GRM7: variants seen among roughly 807,000 people sequenced by gnomAD.
GRM7 encodes metabotropic glutamate receptor 7.
GRM7 carries 35 observed loss-of-function variants against 84.5 expected under a neutral mutation model. The observed-to-expected ratio is 0.41, with a 90% CI of 0.32 to 0.55. GRM7 has a LOEUF of 0.55. Among genes scored for constraint, GRM7 ranks in the 20% least tolerant of loss-of-function variants. GRM7 has a pLI of 0.19. For missense variants in GRM7, 1,003 were observed against 1,194.6 expected (o/e 0.84, Z 2.36); for synonymous variants, 487 against 455.1 (o/e 1.07, Z -0.89).
intron 4 of GRM7, among the ~76,000 whole-genome samples, chr3:7,323,778 A>G (rs1700877299): frequency 1.3e-5 from 2 of 152,212 alleles, no homozygotes; most frequent in African/African-American, 4.8e-5. Flanking sequence ...AATGATTACA[A>G]CAATGACAGT....
rs145619269 is a variant in GRM7 at position 7,030,861 on chromosome 3, T to G, written c.520-115591T>G. Among the ~76,000 whole-genome samples, 49 of 152,326 alleles carry G rather than the reference T, an allele frequency of 3.2e-4. No individual in the cohort carries two copies. The East Asian group carries it at 9.1e-3, about 28-fold the overall frequency. Reference sequence around the variant, plus strand: ...CATAAAATTGTCTAACATCTATTATTTAAAAGCAAATGATTCAGAATTAAG... The same window carrying G: ...CATAAAATTGTCTAACATCTATTATGTAAAAGCAAATGATTCAGAATTAAG... On this transcript the variant is annotated intron_variant, in intron 1 of 9. Transcript: ENST00000357716.
intron 7 of GRM7, among the ~76,000 whole-genome samples, chr3:7,517,511 G>A (rs1423509370): frequency 1.3e-5 from 2 of 151,994 alleles, no homozygotes; most frequent in African/African-American, 4.8e-5. Context: ...CCATGCCTCC[G>A]CCTCTCGAGT....
At chr3:7,704,776 A>G (rs1268172679) in intron 9 of GRM7, among the ~76,000 whole-genome samples, 1 of 152,086 alleles carries the variant, frequency 6.6e-6, no homozygotes, top group Non-Finnish European at 1.5e-5. Flanking sequence ...GATGTCCCCA[A>G]ATGCCTGGCT....
At chr3:7,562,052 T>A (rs1290696074) in intron 7 of GRM7, among the ~76,000 whole-genome samples, 1 of 152,146 alleles carries the variant, frequency 6.6e-6, no homozygotes, top group Non-Finnish European at 1.5e-5. Flanking sequence ...CCTCAGGTTA[T>A]CTGTTAAAGA....
At chr3:7,344,955 A>C (rs1432673958) in intron 4 of GRM7, among the ~76,000 whole-genome samples, 1 of 152,190 alleles carries the variant, frequency 6.6e-6, no homozygotes, top group Non-Finnish European at 1.5e-5. Flanking sequence ...TAAATGTTTG[A>C]GGTGATAGAT....
chr3:7,584,333 T>C (rs1482517470), intron 8 of GRM7, among the ~76,000 whole-genome samples: 2 of 152,206 alleles, frequency 1.3e-5, no homozygotes, highest in Non-Finnish European at 2.9e-5. Flanking sequence ...ATTTGAAATA[T>C]TGTAGCTTGT....
chr3:7,374,467 T>C (rs1195171450), intron 4 of GRM7, among the ~76,000 whole-genome samples: 1 of 151,560 alleles, frequency 6.6e-6, no homozygotes, highest in Non-Finnish European at 1.5e-5. Flanking sequence ...ATGTGAGCTA[T>C]TTATTATCAT....
chr3:7,692,092 C>T (rs1445693583), intron 9 of GRM7, among the ~76,000 whole-genome samples: 1 of 152,100 alleles, frequency 6.6e-6, no homozygotes, highest in Non-Finnish European at 1.5e-5. Flanking sequence ...TCTCTAGGTA[C>T]AACAATCTCT....
intron 2 of GRM7, among the ~76,000 whole-genome samples, chr3:7,182,896 G>GT (rs5846493): frequency 0.084 from 9,343 of 110,618 alleles, 536 homozygotes; most frequent in East Asian, 0.2. Flanking sequence ...ACGTGAAAGT[G>GT]TTTTTTTTTT....
At chr3:7,339,139 C>T (rs59990295) in intron 4 of GRM7, among the ~76,000 whole-genome samples, 5,939 of 152,122 alleles carry the variant, frequency 0.039, 243 homozygotes, top group African/African-American at 0.11. Context: ...TATGATTACA[C>T]ACTTGGAATC....
intron 1 of GRM7, among the ~76,000 whole-genome samples, chr3:6,913,097 T>C (rs1286814427): frequency 8.5e-5 from 13 of 152,178 alleles, no homozygotes; most frequent in Non-Finnish European, 1.8e-4. Context: ...AGCCCTCTCC[T>C]AATCATTTGA....
chr3:7,155,268 G>A (rs1694411970), intron 2 of GRM7, among the ~76,000 whole-genome samples: 1 of 152,040 alleles, frequency 6.6e-6, no homozygotes, highest in Non-Finnish European at 1.5e-5. Context: ...ATAAACAATA[G>A]GGAAGATATA....
chr3:7,422,059 C>T (rs1382556845), intron 5 of GRM7, among the ~76,000 whole-genome samples: 1 of 152,044 alleles, frequency 6.6e-6, no homozygotes, highest in African/African-American at 2.4e-5. Context: ...CATGCCACTG[C>T]ACTCTAGCCT....
intron 7 of GRM7, among the ~76,000 whole-genome samples, chr3:7,528,022 G>A (rs1010179573): frequency 2.0e-5 from 3 of 152,074 alleles, no homozygotes; most frequent in South Asian, 4.1e-4. Flanking sequence ...TTTAGTATAA[G>A]CATAATACTG....
At chr3:7,584,888 C>T (rs1367712909) in intron 8 of GRM7, among the ~76,000 whole-genome samples, 1 of 152,070 alleles carries the variant, frequency 6.6e-6, no homozygotes, top group East Asian at 1.9e-4. Flanking sequence ...ACTATTTAAT[C>T]TATTTTATCA....
chr3:7,156,123 AAGACAGAAGAGC>A (rs1247069712), intron 2 of GRM7, among the ~76,000 whole-genome samples: 3 of 152,160 alleles, frequency 2.0e-5, no homozygotes, highest in Non-Finnish European at 4.4e-5. Flanking sequence ...AGGTTGTGAG[AAGACAGAAGAGC>A]AGACAGAAGG....
At chr3:7,038,360 T>C (rs142712423) in intron 1 of GRM7, among the ~76,000 whole-genome samples, 1,798 of 152,298 alleles carry the variant, frequency 0.012, 15 homozygotes, top group South Asian at 0.019. Context: ...CTGAAAATAC[T>C]TGGTATCCTA....
intron 4 of GRM7, among the ~76,000 whole-genome samples, chr3:7,371,574 G>A (rs1438188157): frequency 5.9e-5 from 9 of 152,116 alleles, no homozygotes; most frequent in Non-Finnish European, 1.0e-4. Context: ...GGCCAATACT[G>A]AGTGCTTTCT....
intron 8 of GRM7, among the ~76,000 whole-genome samples, chr3:7,598,939 G>T (rs1696178851): frequency 6.6e-6 from 1 of 152,116 alleles, no homozygotes; most frequent in Non-Finnish European, 1.5e-5. Flanking sequence ...TAGTTAATGA[G>T]ACCAAAGGGC....
Sources: allele counts gnomAD v4.1 joint callset (sites outside exome capture counted in the v4.1 genomes callset), GRCh38; gene constraint gnomAD v4.1.1; transcripts MANE v1.5; gene names NCBI Gene and HGNC (gene_info 2026-07-23, HGNC 2026-07-21).